The following MAP2K7 variants were observed in gnomAD, a reference collection of about 807,000 sequenced individuals.
MAP2K7 encodes mitogen-activated protein kinase kinase 7.
In MAP2K7, 12 loss-of-function variants were observed where a neutral mutation model predicts 47.7. The observed-to-expected ratio is 0.25, with a 90% CI of 0.16 to 0.41. The LOEUF (loss-of-function observed/expected upper bound fraction) is 0.41. MAP2K7 is among the 10% of genes least tolerant of loss of function. The pLI is 1.00. For synonymous variants in MAP2K7, 299 were observed against 243.0 expected (o/e 1.23, Z -2.14); for missense variants, 415 against 600.3 (o/e 0.69, Z 3.23).
chr19:7,912,437 TGGCGGCGGCCAGCCCCACAGGGGGCCAGG>T lies in MAP2K7; in HGVS notation c.*10_*38del. ...ACCTGCCCTTCTTCAGGTAGCTGCT[TGGCGGCGGCCAGCCCCACAGGGGGCCAGG>T]GGCATGGCCACAGGCCCCCCTCCCC... On this transcript the variant is annotated 3_prime_UTR_variant, in exon 11 of 11. Transcript: ENST00000397979. 1 of 1,608,592 alleles carries T rather than the reference TGGCGGCGGCCAGCCCCACAGGGGGCCAGG, an allele frequency of 6.2e-7. No homozygotes were observed. The highest frequency in any genetic ancestry group is 8.5e-7 in the Non-Finnish European group (1 of 1,179,154).
intron 1 of MAP2K7, among the ~76,000 whole-genome samples, chr19:7,907,336 G>T (rs1403726937): frequency 6.6e-6 from 1 of 152,166 alleles, no homozygotes; most frequent in Non-Finnish European, 1.5e-5. Flanking sequence ...AGGGCAAGGG[G>T]GACTCTGTCC....
At chr19:7,904,098 G>A (rs1426539502) in intron 1 of MAP2K7, 30 bp downstream of exon 1, 4 of 1,216,192 alleles carry the variant, frequency 3.3e-6, no homozygotes, top group Non-Finnish European at 4.1e-6. Context: ...GGAGGGGGCG[G>A]GCGGGCGGGG....
chr19:7,910,600 TCTC>T (rs761123793), intron 5 of MAP2K7, 28 bp downstream of exon 5: 2 of 1,612,980 alleles, frequency 1.2e-6, no homozygotes, highest in Non-Finnish European at 1.7e-6. Context: ...CCCTGCAGCG[TCTC>T]CTCCTCCCTC....
chr19:7,910,205 G>A (rs754629218), intron 3 of MAP2K7, 55 bp from the exon 4 acceptor site: 9 of 1,602,456 alleles, frequency 5.6e-6, no homozygotes, highest in South Asian at 1.1e-5. Flanking sequence ...CCAGTGGGGG[G>A]CAGGGGGCGG....
At chr19:7,911,227 G>GTCT (rs774082892) in intron 7 of MAP2K7, 23 bp from the exon 8 acceptor site, 2 of 1,597,116 alleles carry the variant, frequency 1.3e-6, no homozygotes, top group South Asian at 2.2e-5. Flanking sequence ...TTGGAGATAC[G>GTCT]TCTTCTCCTC....
In MAP2K7 at chr19:7,913,048, C is replaced by T. The variant is rs796701108; in HGVS notation, c.*617C>T. 1.1e-5 allele frequency: 1 copy of T among 87,842 alleles called. No homozygotes were observed. The highest frequency in any genetic ancestry group is 3.8e-5 in the African/African-American group (1 of 26,058). The allele number at this position is 87,842 out of a possible 1,614,324, so 5.4% of individuals were successfully genotyped here. A position where few individuals can be genotyped will look rare whatever the true frequency, so the allele number is the denominator to read the frequency against. On this transcript the variant is annotated 3_prime_UTR_variant, in exon 11 of 11. Transcript: ENST00000397979. ...GGACGGGGCTGCGCGCTCGCGCTCT[C>T]TCTCTCTCTCTCTCTCTCTCTTTGA...
chr19:7,905,460 A>G (rs1982385052), intron 1 of MAP2K7, among the ~76,000 whole-genome samples: 1 of 152,146 alleles, frequency 6.6e-6, no homozygotes. Flanking sequence ...CCCAGCCAAG[A>G]CACGGGTCCC....
At position 7,912,762 on chromosome 19, in the gene MAP2K7, C is replaced by A. The variant is rs934830762; in HGVS notation, c.*331C>A. 1 of 379,536 alleles carries A rather than the reference C, an allele frequency of 2.6e-6. No homozygotes were observed. Among genetic ancestry groups the A allele is most frequent in the East Asian group, 5.6e-5 (1 of 17,982 alleles). The allele number at this position is 379,536 out of a possible 1,614,324, so 23.5% of individuals were successfully genotyped here. A position where few individuals can be genotyped will look rare whatever the true frequency, so the allele number is the denominator to read the frequency against. ...GGGCCAGGAGAGAGCCCTGGAGTCC[C>A]GCAGCCACCATGCACGCTCCCAGCG... On this transcript the variant is annotated 3_prime_UTR_variant, in exon 11 of 11. Transcript: ENST00000397979.
Position 7,910,762 on chromosome 19 carries a change from G to A in MAP2K7, c.634G>A (p.Gly212Ser). ...TGAGAAGCTCAAGAAGCGGATGCAG[G>A]GCCCCATCCCCGAGCGCATTCTGGG... is the stretch of plus-strand genomic sequence containing the variant. ...CAEKLKKRMQ[G>S]PIPERILGKM... Residue 212 changes from glycine (G) to serine (S), a missense_variant, in exon 6 of 11, where the codon GGC (glycine) becomes AGC (serine). Gly to Ser is a moderately conservative substitution (Grantham distance 56). Around this residue, in one of 3 missense-constraint regions of MAP2K7, gnomAD observed 206 missense variants for 368.8 expected, o/e 0.56. Transcript: ENST00000397979. 1 of 1,611,508 alleles carries A rather than the reference G, an allele frequency of 6.2e-7. No homozygotes were observed.
At chr19:7,905,864 C>G (rs780442562) in intron 1 of MAP2K7, 1 of 1,612,294 alleles carries the variant, frequency 6.2e-7, no homozygotes, top group Non-Finnish European at 8.5e-7. Flanking sequence ...AGGTACCAGC[C>G]TTTTTATCAT....
intron 1 of MAP2K7, chr19:7,905,809 T>C (rs1220671700): frequency 1.2e-6 from 2 of 1,612,198 alleles, no homozygotes. Context: ...CCCATCCAGT[T>C]ATTGTGATCA....
Position 7,912,778 on chromosome 19 carries a change from G to A in MAP2K7, c.*347G>A, listed in dbSNP as rs1007215731. On this transcript the variant is annotated 3_prime_UTR_variant, in exon 11 of 11. Coordinates refer to ENST00000397979, the MANE Select transcript of MAP2K7 (RefSeq NM_145185.4). The stretch of plus-strand genomic sequence containing the variant: ...CTGGAGTCCCGCAGCCACCATGCAC[G>A]CTCCCAGCGTGCTGTGTCCTTCGCC... The A allele has an allele frequency of 5.0e-5, 17 of 336,778 alleles. No homozygotes were observed. The highest frequency in any genetic ancestry group is 6.7e-5 in the Non-Finnish European group (12 of 179,768). The allele number at this position is 336,778 out of a possible 1,614,324, so 20.9% of individuals were successfully genotyped here.
Position 7,912,602 on chromosome 19 carries a change from A to G in MAP2K7, c.*171A>G. The G allele has an allele frequency of 3.0e-6, 2 of 675,358 alleles. No homozygotes were observed. The highest frequency in any genetic ancestry group is 2.2e-6 in the Non-Finnish European group (1 of 459,158). 41.8% of individuals were successfully genotyped at this position (675,358 alleles called of 1,614,324 possible). ...CCACCCCCCCCGCCCCGGGCCTACC[A>G]AGCCCCCGCCCTTCCCACCCCGGGG... On this transcript the variant is annotated 3_prime_UTR_variant, in exon 11 of 11. Coordinates refer to ENST00000397979, the MANE Select transcript of MAP2K7 (RefSeq NM_145185.4).
Position 7,912,279 on chromosome 19 carries a change from AC to A in MAP2K7, c.1126-13del. 1.2e-6 allele frequency: 2 copies of A among 1,612,974 alleles called. No individual in the cohort carries two copies. The highest frequency in any genetic ancestry group is 1.7e-6 in the Non-Finnish European group (2 of 1,179,724). ...GGAAGACCGTCTCCTCCTAAGCCCCACCCCCTCGGGCCCACAGGAACACAGC... is the reference window on the plus strand; with the variant it reads ...GGAAGACCGTCTCCTCCTAAGCCCCACCCCTCGGGCCCACAGGAACACAGC... On this transcript the variant is annotated splice_polypyrimidine_tract_variant and intron_variant, in intron 10 of 10. Coordinates refer to ENST00000397979, the MANE Select transcript of MAP2K7 (RefSeq NM_145185.4).
At chr19:7,907,407 T>C (rs1982535381) in intron 1 of MAP2K7, among the ~76,000 whole-genome samples, 1 of 152,206 alleles carries the variant, frequency 6.6e-6, no homozygotes, top group Non-Finnish European at 1.5e-5. Flanking sequence ...TGCGTGCACT[T>C]GCACGGCATG....
At chr19:7,912,053 G>A in intron 9 of MAP2K7, 96 bp from the exon 10 acceptor site, 1 of 1,151,986 alleles carries the variant, frequency 8.7e-7, no homozygotes, top group South Asian at 1.3e-5. Context: ...ACATCTTGGG[G>A]ACCCCTGGCC....
chr19:7,906,050 C>T (rs1982433592), intron 1 of MAP2K7: 1 of 613,754 alleles, frequency 1.6e-6, no homozygotes, highest in Admixed American at 2.8e-5. Flanking sequence ...CCTCCCTCCT[C>T]CTCCCCCTCC....
Position 7,910,701 on chromosome 19 carries a change from C to T in MAP2K7, c.573C>T (p.Asp191=), listed in dbSNP as rs2303701. The T allele has an allele frequency of 0.064, 103,512 of 1,608,458 alleles. 6,588 individuals carry two copies. The highest frequency in any genetic ancestry group is 0.27 in the East Asian group (12,057 of 44,560). Residue 191 remains aspartate, a synonymous_variant, in exon 6 of 11, where the codon GAC becomes GAT. Coordinates refer to ENST00000397979, the MANE Select transcript of MAP2K7 (RefSeq NM_145185.4). ...GGGTGCCCCTCTCCCTGCAGACGGA[C>T]GTCTTCATCGCCATGGAGCTCATGG... ...QCFGTFITNT[D]VFIAMELMGT...
chr19:7,910,952 A>G (rs754926294), intron 6 of MAP2K7, 28 bp from the exon 7 acceptor site: 7 of 1,599,592 alleles, frequency 4.4e-6, no homozygotes, highest in Non-Finnish European at 6.0e-6. Context: ...GCCCCCTGCC[A>G]CATGCACCCC....
Sources: gnomAD v4.1 joint callset for allele counts (sites outside exome capture counted in the v4.1 genomes callset) on GRCh38, gnomAD v4.1.1 for gene constraint, gnomAD v4.1.1 regional missense constraint, MANE v1.5 for transcripts, NCBI Gene and HGNC (gene_info 2026-07-23, HGNC 2026-07-21) for gene names.